Variants in MMP26 observed in about 807,000 individuals in gnomAD.
MMP26 encodes matrix metallopeptidase 26, also known as matrix metalloproteinase-26.
Under a neutral mutation model 31.0 loss-of-function variants are expected in MMP26, and 33 were observed. That is an observed-to-expected ratio of 1.06 (90% confidence interval 0.81 to 1.42). The LOEUF (loss-of-function observed/expected upper bound fraction) is 1.42. Ranked by LOEUF, MMP26 falls within the 40% of genes most tolerant of loss-of-function variation. The pLI is 0.00. For synonymous variants in MMP26, 122 were observed against 114.9 expected (o/e 1.06, Z -0.40); for missense variants, 347 against 316.1 (o/e 1.10, Z -0.74).
At chr11:4,757,879 A>G (rs1332902174) in intron 1 of MMP26, among the ~76,000 whole-genome samples, 1 of 152,136 alleles carries the variant, frequency 6.6e-6, no homozygotes, top group African/African-American at 2.4e-5. Context: ...ATGTGGAGAA[A>G]TTGGACACAT....
At position 4,942,089 on chromosome 11, in the gene MMP26, C is replaced by CAAAAAAAAAA. The variant is rs201626472; in HGVS notation, c.-144-45967_-144-45958dup. Among the ~76,000 whole-genome samples the CAAAAAAAAAA allele has an allele frequency of 3.8e-4, 14 of 37,124 alleles. 1 individual carries two copies. Among genetic ancestry groups the CAAAAAAAAAA allele is most frequent in the Non-Finnish European group, 5.7e-4 (11 of 19,134 alleles). The allele number at this position is 37,124 out of a possible 152,430, so 24.4% of individuals were successfully genotyped here. A position where few individuals can be genotyped will look rare whatever the true frequency, so the allele number is the denominator to read the frequency against. Reference sequence around the variant, plus strand: ...TGGGCAGCAGAATGAGAGTCCATCTCAAAAAAAAAAAAAAAAAAAAAGGAA... The same window carrying CAAAAAAAAAA: ...TGGGCAGCAGAATGAGAGTCCATCTCAAAAAAAAAAAAAAAAAAAAAAAAAAAAAAAGGAA... On this transcript the variant is annotated intron_variant, in intron 2 of 7. Coordinates refer to ENST00000380390, the MANE Select transcript of MMP26 (RefSeq NM_021801.5).
At chr11:4,735,518 G>A (rs1455355013) in intron 1 of MMP26, among the ~76,000 whole-genome samples, 1 of 152,092 alleles carries the variant, frequency 6.6e-6, no homozygotes, top group Non-Finnish European at 1.5e-5. Flanking sequence ...TCCCAGGCTG[G>A]ATTTAACATT....
At chr11:4,717,670 T>C (rs999155016) in intron 1 of MMP26, among the ~76,000 whole-genome samples, 1 of 48,484 alleles carries the variant, frequency 2.1e-5, no homozygotes, top group Non-Finnish European at 7.6e-5. Context: ...ATTTGGTAAG[T>C]TTTTTACCAC....
chr11:4,959,151 C>T (rs1456932613), intron 2 of MMP26, among the ~76,000 whole-genome samples: 21 of 143,380 alleles, frequency 1.5e-4, no homozygotes, highest in Middle Eastern at 4.0e-3. Context: ...GGCAGGAGAA[C>T]GGCGTGAATA....
At chr11:4,758,080 T>G (rs1009537045) in intron 1 of MMP26, among the ~76,000 whole-genome samples, 2 of 152,160 alleles carry the variant, frequency 1.3e-5, no homozygotes, top group Non-Finnish European at 2.9e-5. Context: ...TTATTCCCAA[T>G]AGCCCAGAAT....
chr11:4,907,698 T>C, intron 2 of MMP26: 2 of 1,613,576 alleles, frequency 1.2e-6, no homozygotes, highest in Non-Finnish European at 1.7e-6. Context: ...TTCACTGTCA[T>C]GGAATCCTCA....
At position 4,822,798 on chromosome 11, in the gene MMP26, T is replaced by C. The variant is rs76678043; in HGVS notation, c.-145+55457T>C. Reference sequence around the variant, plus strand: ...ATATGCGATTCCAAAATAGAGATTCTATAGGGTGGATCCTAAAATACACAT... The same window carrying C: ...ATATGCGATTCCAAAATAGAGATTCCATAGGGTGGATCCTAAAATACACAT... On this transcript the variant is annotated intron_variant, in intron 2 of 7. Transcript: ENST00000380390. Among the ~76,000 whole-genome samples, 438 of 152,284 alleles carry C rather than the reference T, an allele frequency of 2.9e-3. 2 individuals are homozygous for C. Among genetic ancestry groups the C allele is most frequent in the African/African-American group, 9.9e-3 (410 of 41,566 alleles).
intron 1 of MMP26, among the ~76,000 whole-genome samples, chr11:4,764,819 G>A (rs1337014135): frequency 6.6e-6 from 1 of 152,166 alleles, no homozygotes; most frequent in Admixed American, 6.5e-5. Flanking sequence ...CTTGCAGTGA[G>A]CTGAGATCGC....
chr11:4,981,602 T>G (rs1191088275), intron 2 of MMP26, among the ~76,000 whole-genome samples: 1 of 152,078 alleles, frequency 6.6e-6, no homozygotes, highest in Non-Finnish European at 1.5e-5. Flanking sequence ...GAATGTACAC[T>G]ACTGTACACT....
At chr11:4,907,269 T>C (rs1301355821) in intron 2 of MMP26, 13 of 715,234 alleles carry the variant, frequency 1.8e-5, no homozygotes, top group Non-Finnish European at 2.8e-5. Context: ...AGTATACGAA[T>C]GAACCCCTTA....
intron 2 of MMP26, among the ~76,000 whole-genome samples, chr11:4,841,244 A>C (rs1385533726): frequency 6.6e-6 from 1 of 152,196 alleles, no homozygotes; most frequent in African/African-American, 2.4e-5. Context: ...TAAGAGTTAG[A>C]AAATTTATTT....
At chr11:4,943,487 T>G in intron 2 of MMP26, 1 of 456,088 alleles carries the variant, frequency 2.2e-6, no homozygotes, top group Non-Finnish European at 4.4e-6. Context: ...TAGACTAAGG[T>G]TTTTTTAATG....
chr11:4,862,839 T>G (rs1850181834), intron 2 of MMP26, among the ~76,000 whole-genome samples: 2 of 152,186 alleles, frequency 1.3e-5, no homozygotes, highest in African/African-American at 2.4e-5. Flanking sequence ...TGTTGTATCT[T>G]TCTAACAAAA....
At chr11:4,941,486 G>A (rs944493017) in intron 2 of MMP26, among the ~76,000 whole-genome samples, 2 of 152,150 alleles carry the variant, frequency 1.3e-5, no homozygotes, top group African/African-American at 4.8e-5. Flanking sequence ...AATTGCTTTA[G>A]TACTGTGTTT....
At chr11:4,931,181 G>A (rs1186004228) in intron 2 of MMP26, among the ~76,000 whole-genome samples, 1 of 152,060 alleles carries the variant, frequency 6.6e-6, no homozygotes, top group African/African-American at 2.4e-5. Flanking sequence ...TTCTATGACT[G>A]GATGAGTATG....
chr11:4,764,879 G>GACAC (rs60775849), intron 1 of MMP26, among the ~76,000 whole-genome samples: 9 of 150,276 alleles, frequency 6.0e-5, no homozygotes, highest in South Asian at 2.1e-4. Flanking sequence ...CTCCATCACA[G>GACAC]ACACACACAC....
chr11:4,898,110 G>A (rs535832998), intron 2 of MMP26, among the ~76,000 whole-genome samples: 195 of 151,566 alleles, frequency 1.3e-3, no homozygotes, highest in African/African-American at 4.6e-3. Context: ...AAGGTCTTAT[G>A]GCTATGGATT....
chr11:4,766,380 A>AG, intron 1 of MMP26, among the ~76,000 whole-genome samples: 1 of 152,284 alleles, frequency 6.6e-6, no homozygotes, highest in South Asian at 2.1e-4. Flanking sequence ...TTGCATAATC[A>AG]GTGTCTTCAT....
chr11:4,727,338 A>T (rs1313016914), intron 1 of MMP26, among the ~76,000 whole-genome samples: 1 of 152,208 alleles, frequency 6.6e-6, no homozygotes, highest in Non-Finnish European at 1.5e-5. Context: ...CTCACTGGAC[A>T]TCACATGGTC....
Sources: allele counts gnomAD v4.1 joint callset (sites outside exome capture counted in the v4.1 genomes callset), GRCh38; gene constraint gnomAD v4.1.1; transcripts MANE v1.5; gene names NCBI Gene and HGNC (gene_info 2026-07-23, HGNC 2026-07-21).